KCND3: variants seen among roughly 807,000 people sequenced by gnomAD.
KCND3 encodes the protein A-type voltage-gated potassium channel KCND3.
In KCND3, 9 loss-of-function variants were observed where a neutral mutation model predicts 51.1. That is an observed-to-expected ratio of 0.18 (90% confidence interval 0.11 to 0.31). KCND3 has a LOEUF of 0.31. KCND3 is among the 10% of genes least tolerant of loss of function. KCND3 has a pLI of 1.00. For missense variants in KCND3, 526 were observed against 903.8 expected, an observed-to-expected ratio of 0.58 and a Z score of 5.36; for synonymous variants, 349 against 368.0, an observed-to-expected ratio of 0.95 and a Z score of 0.59.
chr1:111,781,543 A>G (rs959259566), intron 3 of KCND3, among the ~76,000 whole-genome samples: 1 of 152,092 alleles, frequency 6.6e-6, no homozygotes, highest in Non-Finnish European at 1.5e-5. Context: ...TTTTTTTGAG[A>G]CGGAGTCTCG....
intron 2 of KCND3, among the ~76,000 whole-genome samples, chr1:111,904,028 T>C (rs1670516922): frequency 6.6e-6 from 1 of 152,076 alleles, no homozygotes; most frequent in Admixed American, 6.5e-5. Flanking sequence ...AAATAAACAA[T>C]TTGTTGGCCT....
At chr1:111,800,854 G>A (rs755194148) in intron 2 of KCND3, among the ~76,000 whole-genome samples, 1 of 152,234 alleles carries the variant, frequency 6.6e-6, no homozygotes, top group South Asian at 2.1e-4. Flanking sequence ...CCAATTATGA[G>A]AGGCATGCTT....
chr1:111,908,104 T>G (rs1330588157), intron 2 of KCND3, among the ~76,000 whole-genome samples: 1 of 152,256 alleles, frequency 6.6e-6, no homozygotes, highest in Non-Finnish European at 1.5e-5. Context: ...TTGGTTTCCC[T>G]GAAAACACTC....
chr1:111,955,651 T>G (rs1426347475), intron 2 of KCND3, among the ~76,000 whole-genome samples: 1 of 152,216 alleles, frequency 6.6e-6, no homozygotes, highest in African/African-American at 2.4e-5. Context: ...TTTCATATCT[T>G]CAATGTCTGG....
chr1:111,942,734 G>C (rs984402836), intron 2 of KCND3, among the ~76,000 whole-genome samples: 9 of 152,184 alleles, frequency 5.9e-5, no homozygotes, highest in African/African-American at 2.2e-4. Flanking sequence ...GGTGAGATGT[G>C]TTAGGGAGAA....
intron 2 of KCND3, among the ~76,000 whole-genome samples, chr1:111,929,905 CT>C (rs1671882429): frequency 6.6e-6 from 1 of 152,226 alleles, no homozygotes; most frequent in Admixed American, 6.5e-5. Flanking sequence ...GAGAAACGCT[CT>C]GGAAATCCAA....
At chr1:111,873,741 T>C (rs2788612) in intron 2 of KCND3, among the ~76,000 whole-genome samples, 146,698 of 152,152 alleles carry the variant, frequency 0.96, 70,764 homozygotes, top group Middle Eastern at 1. Flanking sequence ...CTGCTAAATG[T>C]CCATTTCCAA....
At chr1:111,964,652 A>G (rs571803359) in intron 2 of KCND3, among the ~76,000 whole-genome samples, 1 of 152,346 alleles carries the variant, frequency 6.6e-6, no homozygotes, top group East Asian at 1.9e-4. Context: ...GCAGAATCAA[A>G]GTTTATATTT....
At chr1:111,792,620 G>A (rs1664886115) in intron 2 of KCND3, among the ~76,000 whole-genome samples, 1 of 152,166 alleles carries the variant, frequency 6.6e-6, no homozygotes, top group African/African-American at 2.4e-5. Context: ...CCACTTGTTA[G>A]CTGGGTGACC....
rs534619161 is a variant in KCND3 at position 111,942,405 on chromosome 1, T to C, written c.1106+39216A>G. Among the ~76,000 whole-genome samples, 21 of 152,292 alleles carry C rather than the reference T, an allele frequency of 1.4e-4. No individual in the cohort carries two copies. The East Asian group carries it at 3.9e-3, about 28-fold the overall frequency. On this transcript the variant is annotated intron_variant, in intron 2 of 7. Transcript: ENST00000302127. Reference sequence around the variant, plus strand: ...GGTGGCTGACTGGGGCGCTGTGCCATAGTTCCTGCCCATGTCACTGAGTGC... The same window carrying C: ...GGTGGCTGACTGGGGCGCTGTGCCACAGTTCCTGCCCATGTCACTGAGTGC...
At chr1:111,858,136 C>A (rs866437539) in intron 2 of KCND3, among the ~76,000 whole-genome samples, 1 of 152,164 alleles carries the variant, frequency 6.6e-6, no homozygotes. Context: ...CTGAGAGTCA[C>A]GTAGGCCTCC....
intron 2 of KCND3, among the ~76,000 whole-genome samples, chr1:111,932,398 A>T (rs1672019047): frequency 6.6e-6 from 1 of 152,028 alleles, no homozygotes; most frequent in Admixed American, 6.6e-5. Context: ...GTTTGTTTTT[A>T]CCATTTTTTA....
chr1:111,861,830 C>G (rs990522743), intron 2 of KCND3, among the ~76,000 whole-genome samples: 1 of 152,172 alleles, frequency 6.6e-6, no homozygotes, highest in African/African-American at 2.4e-5. Flanking sequence ...ATCAGCGGAC[C>G]GCCTCCAGCA....
intron 1 of KCND3, among the ~76,000 whole-genome samples, chr1:111,984,632 T>TA (rs1282041367): frequency 6.6e-6 from 1 of 152,108 alleles, no homozygotes; most frequent in Non-Finnish European, 1.5e-5. Flanking sequence ...ACCTACAAAA[T>TA]AAAGTCCAAA....
chr1:111,960,116 CTG>C (rs1673564273), intron 2 of KCND3, among the ~76,000 whole-genome samples: 1 of 152,074 alleles, frequency 6.6e-6, no homozygotes, highest in African/African-American at 2.4e-5. Context: ...CCATTCAGAA[CTG>C]TGAGTCAATT....
intron 2 of KCND3, among the ~76,000 whole-genome samples, chr1:111,799,612 G>A (rs1665203996): frequency 6.6e-6 from 1 of 152,164 alleles, no homozygotes; most frequent in Non-Finnish European, 1.5e-5. Flanking sequence ...CAAGAAGGAG[G>A]GCAATAAAGA....
intron 2 of KCND3, among the ~76,000 whole-genome samples, chr1:111,921,816 A>C (rs996158122): frequency 9.2e-5 from 14 of 152,160 alleles, no homozygotes; most frequent in African/African-American, 3.4e-4. Flanking sequence ...CATTGCATGA[A>C]AAAAAAGCTG....
At chr1:111,841,899 G>T (rs969487210) in intron 2 of KCND3, among the ~76,000 whole-genome samples, 17 of 152,242 alleles carry the variant, frequency 1.1e-4, no homozygotes, top group Admixed American at 1.1e-3. Flanking sequence ...TTGGCAGAAG[G>T]CTATGCCCAA....
intron 2 of KCND3, among the ~76,000 whole-genome samples, chr1:111,915,777 A>C (rs1334359641): frequency 4.0e-5 from 6 of 151,296 alleles, no homozygotes; most frequent in African/African-American, 1.5e-4. Flanking sequence ...AAAAAAAAAA[A>C]CTGGAGTGAC....
Sources: allele counts gnomAD v4.1 joint callset (sites outside exome capture counted in the v4.1 genomes callset), GRCh38; gene constraint gnomAD v4.1.1; transcripts MANE v1.5; gene names NCBI Gene and HGNC (gene_info 2026-07-23, HGNC 2026-07-21).